The following LCP1 variants were observed in gnomAD, a reference collection of about 807,000 sequenced individuals.
The protein encoded by LCP1 is plastin-2.
Under a neutral mutation model 72.0 loss-of-function variants are expected in LCP1, and 23 were observed. The observed-to-expected ratio is 0.32, with a 90% confidence interval of 0.23 to 0.45. LCP1 has a LOEUF of 0.45. LCP1 is among the 20% of genes least tolerant of loss of function. LCP1 has a pLI of 1.00. For synonymous variants in LCP1, 245 were observed against 275.4 expected (o/e 0.89, Z 1.09); for missense variants, 571 against 748.3 (o/e 0.76, Z 2.76).
intron 13 of LCP1, among the ~76,000 whole-genome samples, chr13:46,138,747 AG>A (rs1200090399): frequency 6.6e-6 from 1 of 152,098 alleles, no homozygotes; most frequent in East Asian, 1.9e-4. Context: ...CCCAGGTTCA[AG>A]AGATTCTTCT....
At chr13:46,164,843 G>A (rs761962847) in intron 1 of LCP1, among the ~76,000 whole-genome samples, 7 of 152,206 alleles carry the variant, frequency 4.6e-5, no homozygotes, top group Non-Finnish European at 4.4e-5. Flanking sequence ...GAGAAGAAAT[G>A]TTTTATCCAT....
At chr13:46,152,715 A>ACAGT in intron 7 of LCP1, 65 bp downstream of exon 7, 4 of 1,511,436 alleles carry the variant, frequency 2.6e-6, no homozygotes, top group Non-Finnish European at 2.7e-6. Flanking sequence ...TCTTCCTCCT[A>ACAGT]CAGTCCCCAA....
chr13:46,130,461 C>T (rs371911106), intron 15 of LCP1, among the ~76,000 whole-genome samples: 37 of 152,198 alleles, frequency 2.4e-4, no homozygotes, highest in African/African-American at 8.4e-4. Context: ...AAAGGCTCTG[C>T]TGTGGAACCC....
chr13:46,131,230 CA>C (rs1236310913), intron 14 of LCP1, among the ~76,000 whole-genome samples: 1 of 152,132 alleles, frequency 6.6e-6, no homozygotes, highest in Non-Finnish European at 1.5e-5. Flanking sequence ...TGGATTGTGT[CA>C]AGCATATGAA....
rs2045608661 is a variant in LCP1, at chr13:46,127,823, G to T, written c.1752-100C>A. On this transcript the variant is annotated intron_variant, in intron 15 of 15. Transcript: ENST00000323076. The stretch of plus-strand genomic sequence containing the variant: ...TCACAGTCGTTCCATAGTCAGGACA[G>T]AACTCACTCCTGCAGTGGCTGGAGT... The T allele has an allele frequency of 2.8e-6, 4 of 1,409,548 alleles. No homozygotes were observed. In the Admixed American group the frequency reaches 7.6e-5, roughly 27 times the overall value. 87.3% of individuals were successfully genotyped at this position (1,409,548 alleles called of 1,614,324 possible).
At chr13:46,150,742 T>C (rs528724551) in intron 8 of LCP1, among the ~76,000 whole-genome samples, 194 bp downstream of exon 8, 1 of 152,302 alleles carries the variant, frequency 6.6e-6, no homozygotes, top group East Asian at 1.9e-4. Flanking sequence ...ACTAGGACTC[T>C]GGGCAGGTCT....
chr13:46,170,366 G>T (rs866840672), intron 1 of LCP1, among the ~76,000 whole-genome samples: 2 of 152,210 alleles, frequency 1.3e-5, no homozygotes, highest in African/African-American at 4.8e-5. Context: ...CTTGCCAGCC[G>T]CAAAAGCGAT....
rs1182279270 is a variant in LCP1, at chr13:46,127,742, G to A, written c.1752-19C>T. The A allele has an allele frequency of 1.2e-6, 2 of 1,613,476 alleles. No individual in the cohort carries two copies. The highest frequency in any genetic ancestry group is 1.7e-6 in the Non-Finnish European group (2 of 1,179,792). On this transcript the variant is annotated intron_variant, in intron 15 of 15. Transcript: ENST00000323076. ...GGCATATCTAAAAGGGAGAAAAGAG[G>A]AAAAATAAGGAGAGCCTGAGAAACA...
intron 13 of LCP1, among the ~76,000 whole-genome samples, chr13:46,138,974 A>G (rs557912049): frequency 2.0e-5 from 3 of 152,288 alleles, no homozygotes; most frequent in Non-Finnish European, 4.4e-5. Flanking sequence ...TTAAAATAGC[A>G]TATATTAAAG....
rs116344579 is a variant in LCP1 at position 46,168,196 on chromosome 13, A to C, written c.-24-8510T>G. ...TTAGGCTCCATCTTGCCTCTATGGG[A>C]CTCAGTTTTCTCATTCATAAATTGA... On this transcript the variant is annotated intron_variant, in intron 1 of 15. Transcript: ENST00000323076. Among the ~76,000 whole-genome samples, 437 of 152,262 alleles carry C rather than the reference A, an allele frequency of 2.9e-3. 1 individual carries two copies. The highest frequency in any genetic ancestry group is 9.6e-3 in the African/African-American group (399 of 41,550).
intron 13 of LCP1, among the ~76,000 whole-genome samples, chr13:46,140,284 A>G (rs1408245886): frequency 6.6e-6 from 1 of 152,202 alleles, no homozygotes; most frequent in East Asian, 1.9e-4. Flanking sequence ...TGAGGAAACT[A>G]CTAGAGGCTG....
chr13:46,148,038 C>T (rs1593951034), intron 9 of LCP1, among the ~76,000 whole-genome samples: 1 of 152,124 alleles, frequency 6.6e-6, no homozygotes, highest in South Asian at 2.1e-4. Context: ...AAAGTGGCGG[C>T]AAAACAGAAG....
intron 1 of LCP1, among the ~76,000 whole-genome samples, chr13:46,174,204 C>A (rs1000365821): frequency 3.9e-5 from 6 of 152,084 alleles, no homozygotes; most frequent in Admixed American, 6.5e-5. Flanking sequence ...ATTTTAGAAT[C>A]TCTAATGACA....
intron 9 of LCP1, among the ~76,000 whole-genome samples, chr13:46,147,358 GCT>G (rs1337831785): frequency 2.0e-5 from 3 of 152,164 alleles, no homozygotes; most frequent in Non-Finnish European, 4.4e-5. Flanking sequence ...GTGGTTGGTT[GCT>G]CTGTTTCAAA....
intron 1 of LCP1, among the ~76,000 whole-genome samples, chr13:46,178,648 T>C (rs2045942711): frequency 6.6e-6 from 1 of 152,214 alleles, no homozygotes; most frequent in Non-Finnish European, 1.5e-5. Flanking sequence ...TGATGTGTCC[T>C]AATTCTAATG....
At chr13:46,154,934 G>A (rs2045791546) in intron 5 of LCP1, 48 bp from the exon 6 acceptor site, 3 of 1,412,046 alleles carry the variant, frequency 2.1e-6, no homozygotes, top group Non-Finnish European at 3.0e-6. Context: ...CTGAATAACA[G>A]AGCCCAGTAA....
chr13:46,135,130 A>G (rs2045657390), intron 13 of LCP1, among the ~76,000 whole-genome samples: 1 of 151,574 alleles, frequency 6.6e-6, no homozygotes, highest in African/African-American at 2.4e-5. Flanking sequence ...AAAAGAAAAA[A>G]AAAAAACCCA....
chr13:46,154,050 A>C (rs112962849), intron 6 of LCP1, among the ~76,000 whole-genome samples: 109 of 152,370 alleles, frequency 7.2e-4, no homozygotes, highest in Non-Finnish European at 1.4e-3. Context: ...GAAAAGAACT[A>C]TCAGAAGAAA....
rs1455808652 is a variant in LCP1, at chr13:46,127,542, CG to C, written c.*48del. ...TGAATCATCCCTGGAGCATCTGTGC[CG>C]GGCAGTCAGGAGTGAGTGCACCGCC... On this transcript the variant is annotated 3_prime_UTR_variant, in exon 16 of 16. Transcript: ENST00000323076. 4.5e-5 allele frequency: 72 copies of C among 1,608,358 alleles called. 1 individual carries two copies. Among genetic ancestry groups the C allele is most frequent in the Non-Finnish European group, 5.9e-5 (70 of 1,176,650 alleles).
Sources: allele counts gnomAD v4.1 joint callset (sites outside exome capture counted in the v4.1 genomes callset), GRCh38; gene constraint gnomAD v4.1.1; transcripts MANE v1.5; gene names NCBI Gene and HGNC (gene_info 2026-07-23, HGNC 2026-07-21).